Variants in ANO1 observed in about 807,000 individuals in gnomAD.
The protein encoded by ANO1 is anoctamin 1.
ANO1 carries 59 observed loss-of-function variants against 124.0 expected under a neutral mutation model. The ratio of observed to expected loss-of-function variants is 0.48; its 90% CI spans 0.39 to 0.59. The LOEUF is 0.59. Ranked by LOEUF, ANO1 falls within the 20% of genes least tolerant of loss-of-function variation. The pLI, the probability that ANO1 is intolerant of heterozygous loss-of-function variation, is 0.00. For synonymous variants in ANO1, 529 were observed against 532.0 expected (o/e 0.99, Z 0.08); for missense variants, 1,059 against 1,328.0 (o/e 0.80, Z 3.15).
intron 1 of ANO1, among the ~76,000 whole-genome samples, chr11:70,079,955 T>C (rs1456373311): frequency 6.6e-6 from 1 of 151,956 alleles, no homozygotes; most frequent in Admixed American, 6.5e-5. Flanking sequence ...CAGGTGTAGA[T>C]GGAGAGGGAG....
intron 11 of ANO1, among the ~76,000 whole-genome samples, chr11:70,144,895 A>G (rs2047298685): frequency 6.6e-6 from 1 of 152,196 alleles, no homozygotes; most frequent in Non-Finnish European, 1.5e-5. Flanking sequence ...TGTCTATAAA[A>G]TGGAGTGCGT....
chr11:69,978,141 G>T, the ANO1 span, among the ~76,000 whole-genome samples: 1 of 152,180 alleles, frequency 6.6e-6, no homozygotes, highest in Non-Finnish European at 1.5e-5. Context: ...CCTGTGCAAA[G>T]AACCCACGTA....
At chr11:70,169,210 T>A (rs1326826510) in intron 21 of ANO1, among the ~76,000 whole-genome samples, 1 of 152,108 alleles carries the variant, frequency 6.6e-6, no homozygotes, top group Non-Finnish European at 1.5e-5. Context: ...GGACATCACG[T>A]CCCGAGTTCC....
At chr11:70,155,644 A>G (rs2047779048) in intron 14 of ANO1, among the ~76,000 whole-genome samples, 1 of 152,254 alleles carries the variant, frequency 6.6e-6, no homozygotes, top group Non-Finnish European at 1.5e-5. Flanking sequence ...GAGATGGGGC[A>G]TGACGCGGTC....
At chr11:70,047,080 CAAAAAAAAAA>C (rs10660510) in intron 1 of ANO1, among the ~76,000 whole-genome samples, 7 of 73,902 alleles carry the variant, frequency 9.5e-5, no homozygotes, top group African/African-American at 2.0e-4. Flanking sequence ...GACTCTGTCT[CAAAAAAAAAA>C]AAAAAAAGAA....
intron 22 of ANO1, among the ~76,000 whole-genome samples, chr11:70,174,876 G>T (rs2048625637): frequency 1.3e-5 from 2 of 151,702 alleles, no homozygotes; most frequent in South Asian, 4.2e-4. Flanking sequence ...GTAAAGAAAA[G>T]AGTGCCATCC....
At chr11:70,014,701 G>A (rs872607) in intron 1 of ANO1, among the ~76,000 whole-genome samples, 10,209 of 152,224 alleles carry the variant, frequency 0.067, 457 homozygotes, top group East Asian at 0.11. Flanking sequence ...TACAGTTTCG[G>A]CTCTAAGAAA....
upstream of ANO1, among the ~76,000 whole-genome samples, chr11:70,076,433 CTTT>C: frequency 6.8e-6 from 1 of 146,576 alleles, no homozygotes; most frequent in African/African-American, 2.5e-5. Context: ...TATTTTTACT[CTTT>C]TTTTTTTTTC....
chr11:70,181,127 T>C (rs1190837079), intron 23 of ANO1, among the ~76,000 whole-genome samples: 1 of 152,194 alleles, frequency 6.6e-6, no homozygotes, highest in Non-Finnish European at 1.5e-5. Flanking sequence ...GAGGCAGCCA[T>C]GGGGAGTCTG....
chr11:70,018,149 G>A (rs1258602798), intron 1 of ANO1: 2 of 152,116 alleles, frequency 1.3e-5, no homozygotes, highest in African/African-American at 4.8e-5. Context: ...GAGCCCAGGA[G>A]TAAGAGATCA....
chr11:70,084,379 G>A (rs2044294905), intron 1 of ANO1, among the ~76,000 whole-genome samples: 1 of 152,192 alleles, frequency 6.6e-6, no homozygotes, highest in African/African-American at 2.4e-5. Flanking sequence ...GCCATTGGGT[G>A]GCCATCAGGG....
intron 12 of ANO1, 176 bp downstream of exon 12, chr11:70,149,968 T>C (rs1199582576): frequency 1.4e-6 from 1 of 711,934 alleles, no homozygotes; most frequent in Non-Finnish European, 2.5e-6. Flanking sequence ...CACCCTGGCG[T>C]TCCGAACACC....
intron 24 of ANO1, among the ~76,000 whole-genome samples, chr11:70,183,570 T>C (rs1324990025): frequency 6.6e-6 from 1 of 152,202 alleles, no homozygotes; most frequent in African/African-American, 2.4e-5. Flanking sequence ...AGACAGATGC[T>C]AGCAGGCAAA....
chr11:70,107,420 GGAGT>G (rs1028196479), intron 5 of ANO1, among the ~76,000 whole-genome samples: 1 of 151,186 alleles, frequency 6.6e-6, no homozygotes, highest in African/African-American at 2.4e-5. Flanking sequence ...TGTGGCTGCA[GGAGT>G]GAGTTTGGAA....
intron 1 of ANO1, among the ~76,000 whole-genome samples, chr11:70,025,413 A>G (rs1214786706): frequency 6.6e-6 from 1 of 151,840 alleles, no homozygotes; most frequent in Non-Finnish European, 1.5e-5. Flanking sequence ...GGTGACAATG[A>G]TGACGATGGT....
At chr11:70,044,314 G>A (rs1291939414) in intron 1 of ANO1, among the ~76,000 whole-genome samples, 26 of 151,986 alleles carry the variant, frequency 1.7e-4, no homozygotes, top group Admixed American at 1.5e-3. Context: ...TTATATGCAC[G>A]TTTATTAATA....
At chr11:69,997,327 C>T (rs181024569) in intron 1 of ANO1, among the ~76,000 whole-genome samples, 17 of 150,566 alleles carry the variant, frequency 1.1e-4, no homozygotes, top group South Asian at 4.2e-4. Context: ...TTTATATAGG[C>T]GGGTAAAATA....
chr11:69,975,984 C>T, the ANO1 span, among the ~76,000 whole-genome samples: 6 of 152,254 alleles, frequency 3.9e-5, no homozygotes, highest in East Asian at 5.8e-4. Flanking sequence ...CCCTGGGGTG[C>T]GGGAAGGACT....
At chr11:70,010,179 G>GTGTGTGTATATATA in intron 1 of ANO1, among the ~76,000 whole-genome samples, 6 of 83,800 alleles carry the variant, frequency 7.2e-5, no homozygotes, top group Non-Finnish European at 1.4e-4. Flanking sequence ...GTGTGTGTGT[G>GTGTGTGTATATATA]TATATATATA....
Sources: gnomAD v4.1 joint callset for allele counts (sites outside exome capture counted in the v4.1 genomes callset) on GRCh38, gnomAD v4.1.1 for gene constraint, MANE v1.5 for transcripts, NCBI Gene and HGNC (gene_info 2026-07-23, HGNC 2026-07-21) for gene names.